Variants in TAFA1 observed in about 807,000 individuals in gnomAD.
TAFA1 encodes the protein chemokine-like protein TAFA-1.
In TAFA1, 4 loss-of-function variants were observed where a neutral mutation model predicts 18.5. That is an observed-to-expected ratio of 0.22 (90% CI 0.11 to 0.49). The LOEUF (loss-of-function observed/expected upper bound fraction) is 0.49, where lower values mean the gene tolerates loss of function less well. Among genes scored for constraint, TAFA1 ranks in the 20% least tolerant of loss-of-function variants. The pLI is 0.98. For synonymous variants in TAFA1, 56 were observed against 55.2 expected, an observed-to-expected ratio of 1.01 and a Z score of -0.06; for missense variants, 147 against 169.0, an observed-to-expected ratio of 0.87 and a Z score of 0.72.
chr3:68,509,586 GA>G (rs1559699099), intron 3 of TAFA1, among the ~76,000 whole-genome samples: 1 of 152,134 alleles, frequency 6.6e-6, no homozygotes, highest in South Asian at 2.1e-4. Context: ...TAGAAGCCAT[GA>G]AAAAAATGGA....
At chr3:68,265,493 A>T (rs1022207560) in intron 2 of TAFA1, among the ~76,000 whole-genome samples, 5 of 152,158 alleles carry the variant, frequency 3.3e-5, no homozygotes, top group African/African-American at 1.2e-4. Context: ...TCCACATCAC[A>T]CTTGACATTC....
At position 68,354,685 on chromosome 3, in the gene TAFA1, G is replaced by A. The variant is rs149297655; in HGVS notation, c.119-62595G>A. Among the ~76,000 whole-genome samples, 206 of 152,058 alleles carry A rather than the reference G, an allele frequency of 1.4e-3. 7 individuals are homozygous for A. In the East Asian group the frequency reaches 0.031, roughly 23 times the overall value. On this transcript the variant is annotated intron_variant, in intron 2 of 4. Coordinates refer to ENST00000478136, the MANE Select transcript of TAFA1 (RefSeq NM_213609.4). Reference sequence around the variant, plus strand: ...AACAAATTTATTTCTCACAGTACTGGAGGCTAGAAAGTCCAAGATCAAGGC... The same window carrying A: ...AACAAATTTATTTCTCACAGTACTGAAGGCTAGAAAGTCCAAGATCAAGGC...
chr3:68,409,861 T>G (rs2070679095), intron 2 of TAFA1, among the ~76,000 whole-genome samples: 1 of 152,200 alleles, frequency 6.6e-6, no homozygotes, highest in Non-Finnish European at 1.5e-5. Flanking sequence ...CAATGCCAGT[T>G]GTCAAGCTTT....
intron 3 of TAFA1, among the ~76,000 whole-genome samples, chr3:68,520,158 G>A (rs1167812005): frequency 6.6e-6 from 1 of 152,054 alleles, no homozygotes; most frequent in Admixed American, 6.5e-5. Context: ...CTTGGCATTT[G>A]GGCTAGAGCC....
At chr3:68,003,639 A>G (rs1173972238), upstream of TAFA1, among the ~76,000 whole-genome samples, 1 of 149,426 alleles carries the variant, frequency 6.7e-6, no homozygotes, top group East Asian at 2.0e-4. Context: ...AACCGTAGTA[A>G]GAGGAAGAAG....
intron 2 of TAFA1, among the ~76,000 whole-genome samples, chr3:68,212,021 CT>C (rs1384053704): frequency 1.3e-5 from 2 of 151,926 alleles, no homozygotes; most frequent in Non-Finnish European, 2.9e-5. Context: ...CTGCCATGAG[CT>C]TCATAATAAA....
chr3:68,343,875 C>T (rs2069124026), intron 2 of TAFA1, among the ~76,000 whole-genome samples: 1 of 152,208 alleles, frequency 6.6e-6, no homozygotes, highest in Non-Finnish European at 1.5e-5. Flanking sequence ...TGGAGTTTTG[C>T]TCCTGTTGCC....
intron 2 of TAFA1, among the ~76,000 whole-genome samples, chr3:68,352,092 G>A (rs1312946364): frequency 1.3e-5 from 2 of 151,968 alleles, no homozygotes; most frequent in African/African-American, 2.4e-5. Flanking sequence ...AGGAAAGTAA[G>A]GGTCTGAAGG....
At chr3:68,120,026 T>C (rs1288069855) in intron 2 of TAFA1, among the ~76,000 whole-genome samples, 1 of 152,190 alleles carries the variant, frequency 6.6e-6, no homozygotes, top group Non-Finnish European at 1.5e-5. Flanking sequence ...AAGAGAACTA[T>C]GAAATCCTTA....
At chr3:68,331,750 T>C (rs1016111005) in intron 2 of TAFA1, among the ~76,000 whole-genome samples, 1 of 150,034 alleles carries the variant, frequency 6.7e-6, no homozygotes, top group Non-Finnish European at 1.5e-5. Flanking sequence ...CACAGACCAA[T>C]GGAACAGAAC....
intron 2 of TAFA1, among the ~76,000 whole-genome samples, chr3:68,314,294 C>A (rs1421979621): frequency 6.6e-6 from 1 of 152,146 alleles, no homozygotes; most frequent in Non-Finnish European, 1.5e-5. Flanking sequence ...CTGTTCCTGT[C>A]CATAGAGTTA....
In TAFA1 at chr3:68,261,805, T is replaced by C. The variant is rs6808484; in HGVS notation, c.119-155475T>C. Among the ~76,000 whole-genome samples the C allele has an allele frequency of 8.5e-3, 1,291 of 152,078 alleles. 20 individuals are homozygous for C. The highest frequency in any genetic ancestry group is 0.03 in the African/African-American group (1,224 of 41,488). ...TGGGGAGGGATAGCATTAGGAGATATACTTAATGCTAAATGACGAGTTAAT... is the reference window on the plus strand; with the variant it reads ...TGGGGAGGGATAGCATTAGGAGATACACTTAATGCTAAATGACGAGTTAAT... On this transcript the variant is annotated intron_variant, in intron 2 of 4. Transcript: ENST00000478136.
intron 2 of TAFA1, among the ~76,000 whole-genome samples, chr3:68,171,343 A>T (rs1466884972): frequency 6.6e-6 from 1 of 152,210 alleles, no homozygotes; most frequent in Non-Finnish European, 1.5e-5. Context: ...GCCTCCAGAA[A>T]GAAATGCAGT....
At chr3:68,437,987 A>C (rs1013748459) in intron 3 of TAFA1, among the ~76,000 whole-genome samples, 9 of 152,104 alleles carry the variant, frequency 5.9e-5, no homozygotes, top group Non-Finnish European at 1.5e-5. Flanking sequence ...TCCCATTCCA[A>C]AATGGAGAAA....
intron 2 of TAFA1, among the ~76,000 whole-genome samples, chr3:68,233,373 A>G (rs1192573726): frequency 6.6e-6 from 1 of 152,148 alleles, no homozygotes. Flanking sequence ...TTTCAGTACC[A>G]TTTATGGAAG....
intron 2 of TAFA1, among the ~76,000 whole-genome samples, chr3:68,259,285 C>G (rs983114774): frequency 7.2e-5 from 11 of 152,152 alleles, no homozygotes; most frequent in African/African-American, 2.7e-4. Flanking sequence ...CAATGTAACA[C>G]TTGTGGAACT....
chr3:68,001,021 T>C (rs1294359185), upstream of TAFA1, among the ~76,000 whole-genome samples: 1 of 152,228 alleles, frequency 6.6e-6, no homozygotes, highest in East Asian at 1.9e-4. Flanking sequence ...GTTTTTATTA[T>C]TGCCAAAGCA....
chr3:68,205,519 C>T (rs2066515925), intron 2 of TAFA1, among the ~76,000 whole-genome samples: 2 of 151,962 alleles, frequency 1.3e-5, no homozygotes, highest in South Asian at 2.1e-4. Context: ...ATTTAGAGCT[C>T]AAAAGCGGAG....
At chr3:68,012,890 A>G (rs575762441) in intron 2 of TAFA1, among the ~76,000 whole-genome samples, 3 of 152,150 alleles carry the variant, frequency 2.0e-5, no homozygotes, top group Admixed American at 6.5e-5. Flanking sequence ...TTCTGAAGAT[A>G]CTCCTTGGAC....
Sources: allele counts gnomAD v4.1 joint callset (sites outside exome capture counted in the v4.1 genomes callset), GRCh38; gene constraint gnomAD v4.1.1; transcripts MANE v1.5; gene names NCBI Gene and HGNC (gene_info 2026-07-23, HGNC 2026-07-21).